Variants in SMAP2 observed in about 807,000 individuals in gnomAD.
SMAP2 encodes the protein stromal membrane-associated protein 2.
A neutral mutation model predicts 56.4 loss-of-function variants in SMAP2; 25 were observed. The ratio of observed to expected loss-of-function variants is 0.44; its 90% confidence interval spans 0.32 to 0.62. SMAP2 has a LOEUF of 0.62. Among genes scored for constraint, SMAP2 ranks in the 20% least tolerant of loss-of-function variants. SMAP2 has a pLI of 0.04. For synonymous variants in SMAP2, 157 were observed against 181.7 expected (o/e 0.86, Z 1.09); for missense variants, 388 against 545.6 (o/e 0.71, Z 2.88).
At chr1:40,396,101 T>C (rs1245696087) in intron 1 of SMAP2, among the ~76,000 whole-genome samples, 3 of 152,182 alleles carry the variant, frequency 2.0e-5, no homozygotes, top group Non-Finnish European at 4.4e-5. Context: ...GTTGAGTATA[T>C]AAGTGGCTGC....
chr1:40,395,804 G>A (rs138743080), intron 1 of SMAP2, among the ~76,000 whole-genome samples: 137 of 152,300 alleles, frequency 9.0e-4, no homozygotes, highest in African/African-American at 3.2e-3. Context: ...GTAGACCTCA[G>A]TCTGCTTTCC....
chr1:40,399,701 C>CAA (rs35452622), intron 1 of SMAP2, among the ~76,000 whole-genome samples: 1 of 116,456 alleles, frequency 8.6e-6, no homozygotes. Context: ...GACCCTGTCT[C>CAA]AAAAAAAAAA....
intron 1 of SMAP2, 129 bp from the exon 2 acceptor site, chr1:40,406,607 A>G (rs1249362311): frequency 1.7e-5 from 17 of 992,570 alleles, no homozygotes; most frequent in Non-Finnish European, 2.1e-5. Flanking sequence ...AGCAGAGTCA[A>G]TAAACAGGTG....
chr1:40,393,616 G>A (rs1404215649), intron 1 of SMAP2: 20 of 995,278 alleles, frequency 2.0e-5, no homozygotes. Flanking sequence ...CTCAATCTTG[G>A]CTCACTGCAA....
At chr1:40,389,718 GA>G (rs1401760874) in intron 1 of SMAP2, among the ~76,000 whole-genome samples, 4 of 152,232 alleles carry the variant, frequency 2.6e-5, no homozygotes, top group Admixed American at 6.5e-5. Context: ...CATGAAGTGT[GA>G]AACAGGAGGC....
intron 1 of SMAP2, among the ~76,000 whole-genome samples, chr1:40,361,321 C>T (rs1486905061): frequency 1.3e-5 from 2 of 152,036 alleles, no homozygotes; most frequent in Non-Finnish European, 2.9e-5. Flanking sequence ...AGCACTTGGG[C>T]CCCGAATGAT....
intron 1 of SMAP2, among the ~76,000 whole-genome samples, chr1:40,349,942 T>A (rs1644403473): frequency 6.6e-6 from 1 of 152,146 alleles, no homozygotes; most frequent in African/African-American, 2.4e-5. Flanking sequence ...AGAGAGCAGG[T>A]GAGTCAGACA....
At chr1:40,399,383 C>G (rs1569885550) in intron 1 of SMAP2, among the ~76,000 whole-genome samples, 1 of 140,046 alleles carries the variant, frequency 7.1e-6, no homozygotes, top group Non-Finnish European at 1.5e-5. Flanking sequence ...TTGTCTCAAA[C>G]TCCTGACCTC....
chr1:40,396,120 G>A (rs1644769260), intron 1 of SMAP2, among the ~76,000 whole-genome samples: 2 of 152,106 alleles, frequency 1.3e-5, no homozygotes, highest in African/African-American at 4.8e-5. Flanking sequence ...GCTTTCTTCT[G>A]CTAGAATCTC....
intron 1 of SMAP2, among the ~76,000 whole-genome samples, chr1:40,384,611 G>C (rs1273084951): frequency 1.3e-5 from 2 of 152,314 alleles, no homozygotes; most frequent in Non-Finnish European, 2.9e-5. Flanking sequence ...TCAGTGCAGT[G>C]TGAGTATGTT....
intron 1 of SMAP2, among the ~76,000 whole-genome samples, chr1:40,391,558 G>A (rs1644717272): frequency 6.6e-6 from 1 of 152,032 alleles, no homozygotes; most frequent in African/African-American, 2.4e-5. Flanking sequence ...TTATGGATCG[G>A]GACTGGGTCT....
At chr1:40,355,742 C>T (rs1644432538) in intron 1 of SMAP2, among the ~76,000 whole-genome samples, 1 of 152,076 alleles carries the variant, frequency 6.6e-6, no homozygotes, top group Admixed American at 6.6e-5. Flanking sequence ...CCCTTCTCAG[C>T]CCCTCAAGTA....
Position 40,416,184 on chromosome 1 carries a change from T to C in SMAP2, c.690T>C (p.Gly230=), listed in dbSNP as rs1159127260. The C allele has an allele frequency of 6.2e-7, 1 of 1,613,574 alleles. No individual in the cohort carries two copies. Among genetic ancestry groups the C allele is most frequent in the East Asian group, 2.2e-5 (1 of 44,894 alleles). The change falls in exon 8 of 10, where the codon GGT becomes GGC. Residue 230 remains glycine (G), a synonymous_variant. Coordinates refer to ENST00000372718, the MANE Select transcript of SMAP2 (RefSeq NM_022733.3). ...PSSSGSRKVV[G]SMPTAGSAGS... Reference sequence around the variant, plus strand: ...GCCCTCTTTGCCCTAAGGTTGTAGGTTCCATGCCAACTGCAGGGAGTGCCG... The same window carrying C: ...GCCCTCTTTGCCCTAAGGTTGTAGGCTCCATGCCAACTGCAGGGAGTGCCG...
chr1:40,414,371 C>T lies in SMAP2; in HGVS notation c.571+131C>T, dbSNP rs897002072. 7.4e-6 allele frequency: 6 copies of T among 811,034 alleles called. No homozygotes were observed. In the African/African-American group the frequency reaches 1.0e-4, roughly 14 times the overall value. The allele number at this position is 811,034 out of a possible 1,614,324, so 50.2% of individuals were successfully genotyped here. A position where few individuals can be genotyped will look rare whatever the true frequency, so the allele number is the denominator to read the frequency against. ...CCAAGACTGTTCTCTCACATTCTTC[C>T]TGATCTGTTTTACATCTGAGCAGTT... On this transcript the variant is annotated intron_variant, in intron 6 of 9. Transcript: ENST00000372718.
chr1:40,399,223 C>T (rs1644803428), intron 1 of SMAP2, among the ~76,000 whole-genome samples: 1 of 151,732 alleles, frequency 6.6e-6, no homozygotes, highest in Non-Finnish European at 1.5e-5. Context: ...CGGCCCACTG[C>T]AACCTCCGCC....
chr1:40,413,477 G>A (rs1391470439), intron 5 of SMAP2, among the ~76,000 whole-genome samples: 1 of 152,220 alleles, frequency 6.6e-6, no homozygotes, highest in Non-Finnish European at 1.5e-5. Flanking sequence ...ATGAAGAACA[G>A]TCCAGAAGTG....
At chr1:40,350,921 C>T (rs1011534455) in intron 1 of SMAP2, among the ~76,000 whole-genome samples, 21 of 152,286 alleles carry the variant, frequency 1.4e-4, no homozygotes, top group Admixed American at 9.8e-4. Flanking sequence ...TACTATTCTG[C>T]CCCATTCTGC....
At chr1:40,348,352 A>G (rs1016528674) in intron 1 of SMAP2, among the ~76,000 whole-genome samples, 1 of 152,096 alleles carries the variant, frequency 6.6e-6, no homozygotes, top group Non-Finnish European at 1.5e-5. Context: ...CCTGCTTTCT[A>G]CTTCCCAGCC....
rs146442636 is a variant in SMAP2 at position 40,381,793 on chromosome 1, C to T, written c.103+7570C>T. 1.2e-4 allele frequency among the ~76,000 whole-genome samples: 18 copies of T among 152,288 alleles called. 1 individual carries two copies. The highest frequency in any genetic ancestry group is 7.2e-4 in the Admixed American group (11 of 15,294). Reference sequence around the variant, plus strand: ...GGTTATAAATATTGCAGGCATGAAACGCTTCCTGATCGCTGAATAGTAAGA... The same window carrying T: ...GGTTATAAATATTGCAGGCATGAAATGCTTCCTGATCGCTGAATAGTAAGA... On this transcript the variant is annotated intron_variant, in intron 1 of 9. Transcript: ENST00000372718.
Sources: allele counts gnomAD v4.1 joint callset (sites outside exome capture counted in the v4.1 genomes callset), GRCh38; gene constraint gnomAD v4.1.1; transcripts MANE v1.5; gene names NCBI Gene and HGNC (gene_info 2026-07-23, HGNC 2026-07-21).